Variants in NFATC2 observed in about 807,000 individuals in gnomAD.
NFATC2 encodes nuclear factor of activated T-cells, cytoplasmic 2.
A neutral mutation model predicts 87.3 loss-of-function variants in NFATC2; 22 were observed. The observed-to-expected ratio is 0.25, with a 90% CI of 0.18 to 0.36. The LOEUF is 0.36. Ranked by LOEUF, NFATC2 falls within the 10% of genes least tolerant of loss-of-function variation. The pLI is 1.00. For missense variants in NFATC2, 1,149 were observed against 1,259.1 expected, an observed-to-expected ratio of 0.91 and a Z score of 1.32; for synonymous variants, 565 against 542.2, an observed-to-expected ratio of 1.04 and a Z score of -0.58.
At chr20:51,463,472 C>A (rs1290561842) in intron 5 of NFATC2, among the ~76,000 whole-genome samples, 1 of 152,196 alleles carries the variant, frequency 6.6e-6, no homozygotes, top group Non-Finnish European at 1.5e-5. Flanking sequence ...CACAGGACAT[C>A]AGGGAGAGTA....
chr20:51,398,524 TGAGAA>T (rs1987568724), intron 10 of NFATC2, 114 bp downstream of exon 10: 7 of 628,418 alleles, frequency 1.1e-5, no homozygotes, highest in Non-Finnish European at 1.9e-5. Context: ...AGCAGGAGAA[TGAGAA>T]GAGAGGGCCT....
At chr20:51,543,075 G>A (rs2076852204), upstream of NFATC2, among the ~76,000 whole-genome samples, 1 of 152,140 alleles carries the variant, frequency 6.6e-6, no homozygotes, top group Non-Finnish European at 1.5e-5. Flanking sequence ...GGTGGAAGGG[G>A]GTATCCACCC....
At chr20:51,487,337 G>C (rs527696630) in intron 3 of NFATC2, among the ~76,000 whole-genome samples, 7 of 152,278 alleles carry the variant, frequency 4.6e-5, no homozygotes, top group African/African-American at 1.7e-4. Context: ...ATTCCTCTGC[G>C]GGAGCCAGGG....
intron 9 of NFATC2, among the ~76,000 whole-genome samples, chr20:51,415,031 C>T (rs1162787115): frequency 6.6e-6 from 1 of 151,738 alleles, no homozygotes; most frequent in Non-Finnish European, 1.5e-5. Context: ...TGGTGGATTC[C>T]TTGAGCTCAG....
At chr20:51,516,668 G>C (rs989869937) in intron 3 of NFATC2, 116 bp downstream of exon 3, 28 of 1,038,864 alleles carry the variant, frequency 2.7e-5, no homozygotes, top group Non-Finnish European at 3.3e-5. Context: ...TTCCTCAAAG[G>C]AGTAAGAGGC....
At position 51,523,006 on chromosome 20, in the gene NFATC2, A is replaced by G. The variant is rs1291322591; in HGVS notation, c.1160+75T>C. 6.3e-7 allele frequency: 1 copy of G among 1,584,792 alleles called. No homozygotes were observed. Among genetic ancestry groups the G allele is most frequent in the Non-Finnish European group, 8.6e-7 (1 of 1,166,690 alleles). ...AAGTCAGTCTTAAACCTGACTCTGA[A>G]TCCCATGCTCATAACCAGAAAACCA... On this transcript the variant is annotated intron_variant, in intron 2 of 10. Transcript: ENST00000371564. This position sits in a 1 kb window ranked among gnomAD's most constrained non-coding sequence, Gnocchi z 6.9.
At chr20:51,462,417 G>A (rs1191024818) in intron 5 of NFATC2, among the ~76,000 whole-genome samples, 1 of 152,174 alleles carries the variant, frequency 6.6e-6, no homozygotes, top group Non-Finnish European at 1.5e-5. Context: ...CTGCACTCCA[G>A]CCTGGATGAC....
At chr20:51,448,284 C>A (rs1600753481) in intron 6 of NFATC2, among the ~76,000 whole-genome samples, 2 of 152,070 alleles carry the variant, frequency 1.3e-5, no homozygotes, top group African/African-American at 4.8e-5. Flanking sequence ...CAAGGAGGAC[C>A]CCGTGGAGGA....
At chr20:51,561,335 A>AG (rs1555822719) in intron 1 of NFATC2, among the ~76,000 whole-genome samples, 3 of 127,466 alleles carry the variant, frequency 2.4e-5, no homozygotes, top group Non-Finnish European at 4.8e-5. Flanking sequence ...AAAAAAAAAA[A>AG]AAAGAAAGAA....
rs143842612 is a variant in NFATC2, at chr20:51,391,285, C to T, written c.*211G>A. On this transcript the variant is annotated 3_prime_UTR_variant, in exon 11 of 11. Transcript: ENST00000371564. The stretch of plus-strand genomic sequence containing the variant: ...TCCGCTTAGTGCCCATACATTGATC[C>T]GCGTGTGGACTCCGGGCTGGGAGAT... 5.3e-4 allele frequency: 601 copies of T among 1,139,160 alleles called. 3 individuals are homozygous for T. The highest frequency in any genetic ancestry group is 5.0e-3 in the African/African-American group (324 of 65,200). 70.6% of individuals were successfully genotyped at this position (1,139,160 alleles called of 1,614,324 possible). A position where few individuals can be genotyped will look rare whatever the true frequency, so the allele number is the denominator to read the frequency against.
At chr20:51,395,682 G>A (rs976407679) in intron 10 of NFATC2, among the ~76,000 whole-genome samples, 4 of 108,954 alleles carry the variant, frequency 3.7e-5, no homozygotes, top group Admixed American at 9.0e-5. Context: ...AAAGTGAACC[G>A]ATCTTATGTA....
At chr20:51,392,096 C>T (rs1267091744) in intron 10 of NFATC2, among the ~76,000 whole-genome samples, 1 of 152,192 alleles carries the variant, frequency 6.6e-6, no homozygotes, top group Non-Finnish European at 1.5e-5. Context: ...TACCAAACTA[C>T]TTCCACTATT....
intron 1 of NFATC2, among the ~76,000 whole-genome samples, chr20:51,553,389 A>C (rs2076950353): frequency 6.6e-6 from 1 of 152,200 alleles, no homozygotes; most frequent in Admixed American, 6.5e-5. Flanking sequence ...GAAGGAGGGC[A>C]GGCGTGCTGG....
chr20:51,483,208 G>A (rs957862054), intron 3 of NFATC2, among the ~76,000 whole-genome samples: 5 of 152,154 alleles, frequency 3.3e-5, no homozygotes, highest in African/African-American at 1.2e-4. Context: ...CTCTGAAAAC[G>A]ACTCTGCTAT....
At chr20:51,434,055 C>A (rs1379027049) in intron 8 of NFATC2, among the ~76,000 whole-genome samples, 10 of 152,168 alleles carry the variant, frequency 6.6e-5, no homozygotes, top group Non-Finnish European at 1.3e-4. Flanking sequence ...GTCTAGAGCC[C>A]CCCCAGCAAT....
intron 10 of NFATC2, 109 bp downstream of exon 10, chr20:51,398,534 G>A (rs1987569777): frequency 1.5e-6 from 1 of 660,990 alleles, no homozygotes; most frequent in African/African-American, 1.8e-5. Context: ...TGAGAAGAGA[G>A]GGCCTTCAGC....
intron 10 of NFATC2, among the ~76,000 whole-genome samples, chr20:51,396,285 CCTTT>C (rs1467293942): frequency 5.3e-5 from 8 of 152,068 alleles, no homozygotes; most frequent in Admixed American, 5.2e-4. Context: ...TCTCCTCCTT[CCTTT>C]ATCAGAGCTC....
At chr20:51,430,839 C>T (rs1427561769) in intron 9 of NFATC2, among the ~76,000 whole-genome samples, 1 of 152,192 alleles carries the variant, frequency 6.6e-6, no homozygotes, top group Non-Finnish European at 1.5e-5. Flanking sequence ...CGCTTTACTT[C>T]CTACCCCTTG....
At chr20:51,430,958 T>C (rs1049438394) in intron 9 of NFATC2, among the ~76,000 whole-genome samples, 5 of 152,200 alleles carry the variant, frequency 3.3e-5, no homozygotes, top group Non-Finnish European at 7.3e-5. Context: ...GCCAGCAATT[T>C]AGGTTTTTCC....
Sources: allele counts gnomAD v4.1 joint callset (sites outside exome capture counted in the v4.1 genomes callset), GRCh38; gene constraint gnomAD v4.1.1; non-coding constraint Gnocchi (gnomAD v3.1); transcripts MANE v1.5; gene names NCBI Gene and HGNC (gene_info 2026-07-23, HGNC 2026-07-21).